The following TCHP variants were observed in gnomAD, a reference collection of about 807,000 sequenced individuals.
TCHP encodes the protein trichoplein keratin filament-binding protein.
In TCHP, 81 loss-of-function variants were observed where a neutral mutation model predicts 88.7. That is an observed-to-expected ratio of 0.91 (90% CI 0.76 to 1.10). The LOEUF is 1.10. Among genes scored for constraint, TCHP ranks in the 50% least tolerant of loss-of-function variants. TCHP has a pLI of 0.00. For synonymous variants in TCHP, 232 were observed against 232.5 expected, an observed-to-expected ratio of 1.00 and a Z score of 0.02; for missense variants, 641 against 632.1, an observed-to-expected ratio of 1.01 and a Z score of -0.15.
the TCHP span, among the ~76,000 whole-genome samples, chr12:109,884,179 G>GA: frequency 6.6e-6 from 1 of 151,882 alleles, no homozygotes; most frequent in African/African-American, 2.4e-5. Context: ...AACAAAATGA[G>GA]AAAAAATCTT....
At chr12:109,883,652 A>G in the TCHP span, among the ~76,000 whole-genome samples, 1 of 152,154 alleles carries the variant, frequency 6.6e-6, no homozygotes, top group African/African-American at 2.4e-5. Context: ...GCCTCTATCA[A>G]TTCCACACAG....
intron 9 of TCHP, 131 bp from the exon 10 acceptor site, chr12:109,912,860 A>G (rs1870582984): frequency 1.4e-6 from 1 of 701,418 alleles, no homozygotes; most frequent in Non-Finnish European, 2.6e-6. Context: ...AATCTTTTCA[A>G]AGTGCATGTG....
At chr12:109,888,358 T>C in the TCHP span, 1 of 152,216 alleles carries the variant, frequency 6.6e-6, no homozygotes, top group East Asian at 1.9e-4. Context: ...CTTTTTGGAT[T>C]GTTGGGTCAC....
the TCHP span, among the ~76,000 whole-genome samples, chr12:109,891,285 T>A: frequency 6.6e-6 from 1 of 152,246 alleles, no homozygotes; most frequent in African/African-American, 2.4e-5. Context: ...TAACTTTCGC[T>A]TATTTTTATT....
In TCHP at chr12:109,916,997, T is replaced by C. The variant is rs1394767663; in HGVS notation, c.*374T>C. ...ACCTTTAATTGTCAACCTCCAGTGT[T>C]GACTCTAGAAATATGAGGAAAGCTT... On this transcript the variant is annotated 3_prime_UTR_variant, in exon 13 of 13. Transcript: ENST00000405876. The C allele has an allele frequency of 5.0e-6, 1 of 198,746 alleles. No homozygotes were observed. Among genetic ancestry groups the C allele is most frequent in the East Asian group, 1.2e-4 (1 of 8,328 alleles). 12.3% of individuals were successfully genotyped at this position (198,746 alleles called of 1,614,324 possible).
intron 9 of TCHP, among the ~76,000 whole-genome samples, 193 bp downstream of exon 9, chr12:109,911,428 A>G (rs891613144): frequency 1.3e-5 from 2 of 152,020 alleles, no homozygotes; most frequent in East Asian, 1.9e-4. Context: ...CCTGGGCAAC[A>G]TGGCAAAACT....
At chr12:109,881,224 A>G in the TCHP span, among the ~76,000 whole-genome samples, 1 of 152,198 alleles carries the variant, frequency 6.6e-6, no homozygotes, top group Non-Finnish European at 1.5e-5. Context: ...CGGCTTTGCA[A>G]CTTCACTTCA....
the TCHP span, among the ~76,000 whole-genome samples, chr12:109,894,468 A>G: frequency 4.3e-5 from 6 of 140,886 alleles, no homozygotes; most frequent in Middle Eastern, 3.7e-3. Context: ...GTCTCAAAAA[A>G]AAAAAAGAAA....
At chr12:109,899,019 A>G (rs1328225183), upstream of TCHP, among the ~76,000 whole-genome samples, 1 of 151,810 alleles carries the variant, frequency 6.6e-6, no homozygotes, top group Non-Finnish European at 1.5e-5. Context: ...GGGTTTCATC[A>G]TGTTGGCCAG....
intron 1 of TCHP, 138 bp from the exon 2 acceptor site, chr12:109,902,887 GTT>G: frequency 1.7e-6 from 1 of 594,280 alleles, no homozygotes. Context: ...GGTTTTGTTT[GTT>G]TGTTTGTTTT....
chr12:109,883,271 A>T, the TCHP span, among the ~76,000 whole-genome samples: 2 of 151,064 alleles, frequency 1.3e-5, no homozygotes, highest in African/African-American at 4.9e-5. Flanking sequence ...CGTGGGCTCA[A>T]GCGATCCTCC....
chr12:109,906,637 A>G lies in TCHP; in HGVS notation c.522A>G (p.Lys174=). The change falls in exon 5 of 13, where the codon AAA becomes AAG. Residue 174 remains lysine, a synonymous_variant. Transcript: ENST00000405876. The part of the protein sequence containing the change: ...NSWEMQKEEK[K]QQEATAEQEN... ...GGGAAATGCAGAAAGAAGAAAAAAA[A>G]CAGGTGTGGTATGTGGCTCTGGGAA... 6.2e-7 allele frequency: 1 copy of G among 1,607,154 alleles called. No homozygotes were observed. Among genetic ancestry groups the G allele is most frequent in the South Asian group, 1.1e-5 (1 of 91,076 alleles).
chr12:109,912,727 G>GT (rs1385620446), intron 9 of TCHP, among the ~76,000 whole-genome samples: 2 of 152,168 alleles, frequency 1.3e-5, no homozygotes, highest in Non-Finnish European at 2.9e-5. Context: ...GGAGGTGGAG[G>GT]TTGCAGTGAG....
upstream of TCHP, among the ~76,000 whole-genome samples, chr12:109,900,059 C>T (rs1361606877): frequency 6.6e-6 from 1 of 152,238 alleles, no homozygotes; most frequent in Non-Finnish European, 1.5e-5. Flanking sequence ...CACTGACTTA[C>T]ATTCTCTTCC....
chr12:109,908,747 G>T, intron 7 of TCHP, 49 bp downstream of exon 7: 1 of 1,561,666 alleles, frequency 6.4e-7, no homozygotes, highest in Middle Eastern at 1.8e-4. Flanking sequence ...TGGGCCTCTT[G>T]CTTTTTCAGA....
At chr12:109,912,495 A>G (rs1870563261) in intron 9 of TCHP, among the ~76,000 whole-genome samples, 1 of 152,154 alleles carries the variant, frequency 6.6e-6, no homozygotes, top group South Asian at 2.1e-4. Flanking sequence ...GGTAACTTAA[A>G]ATACTTCCAA....
upstream of TCHP, among the ~76,000 whole-genome samples, chr12:109,897,388 G>A (rs1869587605): frequency 6.6e-6 from 1 of 152,276 alleles, no homozygotes; most frequent in Non-Finnish European, 1.5e-5. Flanking sequence ...CGGCATGCTG[G>A]TCGAGCCCTA....
chr12:109,888,663 CAGCAT>C, the TCHP span, among the ~76,000 whole-genome samples: 1 of 152,166 alleles, frequency 6.6e-6, no homozygotes, highest in Non-Finnish European at 1.5e-5. Context: ...TTCTTTATTG[CAGCAT>C]AGTAATAATA....
chr12:109,907,447 T>G, intron 5 of TCHP, 79 bp from the exon 6 acceptor site: 1 of 1,483,774 alleles, frequency 6.7e-7, no homozygotes, highest in Non-Finnish European at 9.2e-7. Context: ...CCCTGTGGCC[T>G]GCAGAACGGC....
Sources: allele counts gnomAD v4.1 joint callset (sites outside exome capture counted in the v4.1 genomes callset), GRCh38; gene constraint gnomAD v4.1.1; transcripts MANE v1.5; gene names NCBI Gene and HGNC (gene_info 2026-07-23, HGNC 2026-07-21).